The following PIR variants were observed in gnomAD, a reference collection of about 807,000 sequenced individuals.
The protein encoded by PIR is pirin.
A neutral mutation model predicts 24.2 loss-of-function variants in PIR; 22 were observed. That is an observed-to-expected ratio of 0.91 (90% CI 0.65 to 1.30). PIR has a LOEUF of 1.30. Ranked by LOEUF, PIR falls within the 50% of genes most tolerant of loss-of-function variation. The pLI, the probability that PIR is intolerant of heterozygous loss-of-function variation, is 0.00. For missense variants in PIR, 220 were observed against 220.3 expected (o/e 1.00, Z 0.01); for synonymous variants, 80 against 79.6 (o/e 1.00, Z -0.03).
At chrX:15,464,386 G>T in intron 3 of PIR, 1 of 751,206 alleles carries the variant, frequency 1.3e-6, no homozygotes. Flanking sequence ...TTTTTGTTTT[G>T]GAAAAAAGAA....
chrX:15,428,527 C>G (rs1055180458), intron 5 of PIR, among the ~76,000 whole-genome samples: 2 of 112,154 alleles, frequency 1.8e-5, no homozygotes, highest in African/African-American at 6.5e-5. Context: ...CAAAGAGGTT[C>G]TTGCTTTAAT....
intron 5 of PIR, among the ~76,000 whole-genome samples, chrX:15,430,634 C>T (rs1307053924): frequency 9.0e-6 from 1 of 111,502 alleles, no homozygotes; most frequent in Non-Finnish European, 1.9e-5. Context: ...CACTTCCTTC[C>T]AAACTCCAAC....
At chrX:15,409,782 A>T (rs928003541) in intron 6 of PIR, among the ~76,000 whole-genome samples, 3 of 112,089 alleles carry the variant, frequency 2.7e-5, no homozygotes, top group African/African-American at 9.7e-5. Context: ...TTTTCTGATT[A>T]TAAAAAAACA....
intron 7 of PIR, among the ~76,000 whole-genome samples, chrX:15,403,993 C>CTTTT (rs151011282): frequency 3.3e-5 from 3 of 89,908 alleles, no homozygotes. Context: ...CCAGCATTTT[C>CTTTT]TTTTTTTTTT....
At chrX:15,409,794 ATTAAT>A (rs1330845182) in intron 6 of PIR, among the ~76,000 whole-genome samples, 3 of 112,282 alleles carry the variant, frequency 2.7e-5, no homozygotes, top group African/African-American at 9.7e-5. Context: ...AAAAAAACAC[ATTAAT>A]TTAAAAATAT....
At chrX:15,477,209 C>T (rs1312285588) in intron 3 of PIR, among the ~76,000 whole-genome samples, 2 of 111,385 alleles carry the variant, frequency 1.8e-5, no homozygotes, top group African/African-American at 6.5e-5. Flanking sequence ...AAATTTCAGC[C>T]TTTTAAAGCT....
At chrX:15,463,662 C>T (rs778864214) in intron 3 of PIR, among the ~76,000 whole-genome samples, 11 of 112,126 alleles carry the variant, frequency 9.8e-5, no homozygotes, top group Non-Finnish European at 1.5e-4. Flanking sequence ...AGTCTAAAAC[C>T]CCCATCTGGG....
intron 7 of PIR, among the ~76,000 whole-genome samples, chrX:15,402,016 G>A (rs890746861): frequency 8.9e-6 from 1 of 112,110 alleles, no homozygotes; most frequent in Non-Finnish European, 1.9e-5. Context: ...TATTTTAAAC[G>A]AAAGCATAAA....
intron 7 of PIR, among the ~76,000 whole-genome samples, chrX:15,405,582 G>A (rs779624533): frequency 3.6e-5 from 4 of 112,446 alleles, no homozygotes; most frequent in Middle Eastern, 4.6e-3. Context: ...TTCCATTTGT[G>A]TAGATTATTT....
chrX:15,454,308 A>G (rs1921001487), intron 5 of PIR, among the ~76,000 whole-genome samples: 1 of 110,897 alleles, frequency 9.0e-6, no homozygotes, highest in African/African-American at 3.3e-5. Context: ...AACACAACAA[A>G]GGGTCTTTTC....
chrX:15,473,612 A>G (rs1922042016), intron 3 of PIR, among the ~76,000 whole-genome samples: 1 of 110,594 alleles, frequency 9.0e-6, no homozygotes, highest in Non-Finnish European at 1.9e-5. Context: ...GGTGGAGTGC[A>G]ATGGCGCAAT....
chrX:15,387,489 G>C (rs1379512234), intron 9 of PIR, among the ~76,000 whole-genome samples: 1 of 111,150 alleles, frequency 9.0e-6, no homozygotes, highest in African/African-American at 3.3e-5. Context: ...TATGGATCTG[G>C]AGCTCATGAG....
intron 1 of PIR, among the ~76,000 whole-genome samples, chrX:15,491,683 T>G (rs751852962): frequency 8.9e-6 from 1 of 111,959 alleles, no homozygotes; most frequent in Admixed American, 9.4e-5. Flanking sequence ...AATGCCATAT[T>G]TTTACTGTAT....
intron 6 of PIR, 59 bp downstream of exon 6, chrX:15,425,847 G>GT: frequency 2.8e-6 from 2 of 713,715 alleles, no homozygotes; most frequent in South Asian, 2.4e-5. Context: ...CCTCTTGTTG[G>GT]TTTTTTCTTT....
intron 5 of PIR, among the ~76,000 whole-genome samples, chrX:15,439,864 G>A (rs1380274400): frequency 8.9e-6 from 1 of 111,968 alleles, no homozygotes; most frequent in Non-Finnish European, 1.9e-5. Flanking sequence ...TAATGGTACA[G>A]TTTTAATAAC....
At chrX:15,431,823 T>A (rs1319775128) in intron 5 of PIR, among the ~76,000 whole-genome samples, 1 of 110,414 alleles carries the variant, frequency 9.1e-6, no homozygotes, top group Non-Finnish European at 1.9e-5. Context: ...CAAATCATCA[T>A]CTGATCACTT....
At chrX:15,410,275 C>T (rs773877238) in intron 6 of PIR, among the ~76,000 whole-genome samples, 80 of 109,220 alleles carry the variant, frequency 7.3e-4, no homozygotes, top group Non-Finnish European at 1.2e-3. Context: ...CAAAACAAAA[C>T]AAAACAAAAA....
rs191709592 is a variant in PIR at position 15,464,631 on chromosome X, C to T, written c.190-4891G>A. Among the ~76,000 whole-genome samples the T allele has an allele frequency of 5.6e-3, 622 of 111,802 alleles. 6 individuals carry two copies. The highest frequency in any genetic ancestry group is 0.02 in the African/African-American group (602 of 30,786). On this transcript the variant is annotated intron_variant, in intron 3 of 9. Coordinates refer to ENST00000380420, the MANE Select transcript of PIR (RefSeq NM_001018109.3). ...AGACCTGCATTTTTTATAGAGAGCG[C>T]TTATGTCAGAATAGGAACAAAGCAT...
chrX:15,491,309 G>A lies in PIR; in HGVS notation c.-52C>T, dbSNP rs928385221. The A allele has an allele frequency of 1.2e-6, 1 of 802,343 alleles. No individual in the cohort carries two copies. Among genetic ancestry groups the A allele is most frequent in the Non-Finnish European group, 1.8e-6 (1 of 550,769 alleles). The allele number at this position is 802,343 out of a possible 1,213,427, so 66.1% of individuals were successfully genotyped here. A position where few individuals can be genotyped will look rare whatever the true frequency, so the allele number is the denominator to read the frequency against. On this transcript the variant is annotated splice_region_variant and 5_prime_UTR_variant, in exon 2 of 10. Transcript: ENST00000380420. ...GATGCTGAGCTGTAGAGGATGGAGGGCTAAAGGAAGGACAACAAAAAAAAA... is the reference window on the plus strand; with the variant it reads ...GATGCTGAGCTGTAGAGGATGGAGGACTAAAGGAAGGACAACAAAAAAAAA...
Sources: gnomAD v4.1 joint callset for allele counts (sites outside exome capture counted in the v4.1 genomes callset) on GRCh38, gnomAD v4.1.1 for gene constraint, MANE v1.5 for transcripts, NCBI Gene and HGNC (gene_info 2026-07-23, HGNC 2026-07-21) for gene names.